ROBO2: variants seen among roughly 807,000 people sequenced by gnomAD.
ROBO2 encodes roundabout guidance receptor 2, also known as roundabout homolog 2.
In ROBO2, 53 loss-of-function variants were observed where a neutral mutation model predicts 160.8. The ratio of observed to expected loss-of-function variants is 0.33; its 90% CI spans 0.26 to 0.41. The LOEUF (loss-of-function observed/expected upper bound fraction) is 0.41, where lower values mean the gene tolerates loss of function less well. Among genes scored for constraint, ROBO2 ranks in the 10% least tolerant of loss-of-function variants. The pLI is 1.00. For missense variants in ROBO2, 1,577 were observed against 1,722.4 expected, an observed-to-expected ratio of 0.92 and a Z score of 1.49; for synonymous variants, 664 against 611.7, an observed-to-expected ratio of 1.09 and a Z score of -1.26.
chr3:75,918,982 A>T (rs1946920458), intron 1 of ROBO2, among the ~76,000 whole-genome samples: 1 of 152,158 alleles, frequency 6.6e-6, no homozygotes, highest in Non-Finnish European at 1.5e-5. Context: ...GTCATCTGCA[A>T]ACAGAGACAA....
intron 2 of ROBO2, among the ~76,000 whole-genome samples, chr3:76,295,179 G>T (rs2107717009): frequency 6.6e-6 from 1 of 152,142 alleles, no homozygotes; most frequent in Admixed American, 6.5e-5. Flanking sequence ...ACATGACTCA[G>T]ACATACTAAC....
intron 2 of ROBO2, among the ~76,000 whole-genome samples, chr3:77,014,765 T>C (rs1202293631): frequency 6.6e-6 from 1 of 150,934 alleles, no homozygotes. Flanking sequence ...AGCCAGGTGA[T>C]GGCCATTTGC....
intron 2 of ROBO2, among the ~76,000 whole-genome samples, chr3:76,729,570 T>A (rs1461215379): frequency 6.6e-6 from 1 of 152,040 alleles, no homozygotes; most frequent in East Asian, 1.9e-4. Context: ...TATATTTATA[T>A]TTAAACATTC....
chr3:75,914,651 A>G (rs1413787171), intron 1 of ROBO2, among the ~76,000 whole-genome samples: 3 of 152,236 alleles, frequency 2.0e-5, no homozygotes, highest in Non-Finnish European at 4.4e-5. Flanking sequence ...CCCTTTGCAC[A>G]TAAATGCAAA....
chr3:76,835,136 G>C (rs958709409), intron 2 of ROBO2, among the ~76,000 whole-genome samples: 1 of 151,738 alleles, frequency 6.6e-6, no homozygotes, highest in Non-Finnish European at 1.5e-5. Context: ...ACATTCCCTT[G>C]CTAGTAAACT....
rs78362110 is a variant in ROBO2, at chr3:76,636,201, A to G, written c.110-461813A>G. ...ATATTGCATAAATTCCAAAGGAGTA[A>G]TGACATTGAGACAAGAAAAATTGAT... On this transcript the variant is annotated intron_variant, in intron 2 of 26. Coordinates refer to the ROBO2 transcript ENST00000487694. Among the ~76,000 whole-genome samples the G allele has an allele frequency of 3.9e-5, 6 of 152,308 alleles. No homozygotes were observed. In the East Asian group the frequency reaches 7.7e-4, roughly 20 times the overall value.
At chr3:76,582,369 C>G (rs1447094112) in intron 2 of ROBO2, among the ~76,000 whole-genome samples, 2 of 152,058 alleles carry the variant, frequency 1.3e-5, no homozygotes, top group Non-Finnish European at 2.9e-5. Context: ...GAAAACTCTA[C>G]CAGGTTACAC....
intron 2 of ROBO2, among the ~76,000 whole-genome samples, chr3:77,215,199 C>T (rs188277117): frequency 7.9e-5 from 12 of 152,306 alleles, no homozygotes; most frequent in African/African-American, 2.6e-4. Flanking sequence ...CCATTCTCCC[C>T]GTCACTTTCA....
chr3:77,251,224 C>A (rs1364732779), intron 2 of ROBO2, among the ~76,000 whole-genome samples: 2 of 152,120 alleles, frequency 1.3e-5, no homozygotes, highest in East Asian at 1.9e-4. Context: ...TAAACCGTGG[C>A]CCCACAGCTC....
intron 2 of ROBO2, among the ~76,000 whole-genome samples, chr3:76,974,594 A>G (rs2149297863): frequency 6.6e-6 from 1 of 152,262 alleles, no homozygotes; most frequent in South Asian, 2.1e-4. Context: ...TTATTTACTT[A>G]CTTATTCTTT....
At chr3:77,274,201 C>T (rs58259181) in intron 2 of ROBO2, among the ~76,000 whole-genome samples, 3,037 of 152,118 alleles carry the variant, frequency 0.02, 76 homozygotes, top group African/African-American at 0.07. Flanking sequence ...AAAATACATG[C>T]TTACATCTGA....
chr3:77,016,644 G>A (rs749313687), intron 2 of ROBO2, among the ~76,000 whole-genome samples: 18 of 152,078 alleles, frequency 1.2e-4, no homozygotes, highest in African/African-American at 4.1e-4. Context: ...GCAATTTCTA[G>A]TCCTCTCAAT....
At chr3:75,908,984 G>C (rs969640446) in intron 1 of ROBO2, among the ~76,000 whole-genome samples, 2 of 152,178 alleles carry the variant, frequency 1.3e-5, no homozygotes, top group African/African-American at 4.8e-5. Context: ...TGCCAGCTTC[G>C]CAGTGAATAG....
intron 2 of ROBO2, among the ~76,000 whole-genome samples, chr3:76,123,916 T>C (rs2070857493): frequency 6.6e-6 from 1 of 152,162 alleles, no homozygotes; most frequent in Non-Finnish European, 1.5e-5. Flanking sequence ...TCTTGCTTTT[T>C]TGAATGACTT....
At chr3:76,840,228 G>A (rs945626503) in intron 2 of ROBO2, among the ~76,000 whole-genome samples, 6 of 150,950 alleles carry the variant, frequency 4.0e-5, no homozygotes, top group Non-Finnish European at 7.4e-5. Context: ...CCGATTTTGG[G>A]TTTGGTTGCT....
At chr3:77,043,283 A>G (rs1355719779) in intron 1 of ROBO2, among the ~76,000 whole-genome samples, 2 of 152,188 alleles carry the variant, frequency 1.3e-5, no homozygotes, top group Admixed American at 6.5e-5. Context: ...AAATGTACAG[A>G]AGCCTGTACC....
chr3:76,380,608 G>A (rs1184793208), intron 2 of ROBO2, among the ~76,000 whole-genome samples: 1 of 151,988 alleles, frequency 6.6e-6, no homozygotes, highest in African/African-American at 2.4e-5. Flanking sequence ...CAAATACAGT[G>A]TATAATAGAT....
chr3:76,830,559 T>C (rs2066991788), intron 2 of ROBO2, among the ~76,000 whole-genome samples: 1 of 152,186 alleles, frequency 6.6e-6, no homozygotes, highest in South Asian at 2.1e-4. Context: ...CAGGACTTTA[T>C]CAAATGTCAC....
chr3:76,537,970 C>G lies in ROBO2; in HGVS notation c.110-560044C>G, dbSNP rs188809039. Among the ~76,000 whole-genome samples, 222 of 152,094 alleles carry G rather than the reference C, an allele frequency of 1.5e-3. 2 individuals carry two copies. The highest frequency in any genetic ancestry group is 0.012 in the South Asian group (60 of 4,804). On this transcript the variant is annotated intron_variant, in intron 2 of 26. Coordinates refer to the ROBO2 transcript ENST00000487694. Reference sequence around the variant, plus strand: ...TGATCAGTTAGGGTAGGGCAGGAACCAGTCATAGTGGTGGAAGGTCATATG... The same window carrying G: ...TGATCAGTTAGGGTAGGGCAGGAACGAGTCATAGTGGTGGAAGGTCATATG...
Sources: allele counts gnomAD v4.1 joint callset (sites outside exome capture counted in the v4.1 genomes callset), GRCh38; gene constraint gnomAD v4.1.1; transcripts MANE v1.5; gene names NCBI Gene and HGNC (gene_info 2026-07-23, HGNC 2026-07-21).